Variants in CPED1 observed in about 807,000 individuals in gnomAD.
CPED1 encodes the protein cadherin like and PC-esterase domain containing 1.
A neutral mutation model predicts 128.2 loss-of-function variants in CPED1; 114 were observed. That is an observed-to-expected ratio of 0.89 (90% CI 0.76 to 1.04). The LOEUF (loss-of-function observed/expected upper bound fraction) is 1.04. CPED1 is among the 50% of genes least tolerant of loss of function. CPED1 has a pLI of 0.00. For synonymous variants in CPED1, 462 were observed against 426.7 expected, an observed-to-expected ratio of 1.08 and a Z score of -1.02; for missense variants, 1,211 against 1,207.1, an observed-to-expected ratio of 1.00 and a Z score of -0.05.
intron 2 of CPED1, among the ~76,000 whole-genome samples, chr7:120,995,786 C>T (rs1796386559): frequency 6.6e-6 from 1 of 152,094 alleles, no homozygotes; most frequent in African/African-American, 2.4e-5. Flanking sequence ...TGGCTCCTTA[C>T]CAAATCTGAG....
rs4730985 is a variant in CPED1 at position 121,024,994 on chromosome 7, C to G, written c.433+9146C>G. ...TTGACATTTTTCTCAATTTGGGAGG[C>G]GTTTGGGAGCTTCTAACTATAGTTC... On this transcript the variant is annotated intron_variant, in intron 3 of 22. Transcript: ENST00000310396. Among the ~76,000 whole-genome samples, 829 of 152,086 alleles carry G rather than the reference C, an allele frequency of 5.5e-3. 7 individuals are homozygous for G. Among genetic ancestry groups the G allele is most frequent in the African/African-American group, 0.019 (789 of 41,472 alleles).
chr7:121,091,536 G>A (rs796627880), intron 5 of CPED1, among the ~76,000 whole-genome samples: 9 of 152,186 alleles, frequency 5.9e-5, no homozygotes, highest in East Asian at 5.8e-4. Context: ...TGAAATTTCC[G>A]AAGTTAGAAA....
intron 5 of CPED1, among the ~76,000 whole-genome samples, chr7:121,085,973 T>C (rs776123122): frequency 5.2e-4 from 79 of 152,362 alleles, no homozygotes; most frequent in Non-Finnish European, 7.2e-4. Context: ...TAACTATTTA[T>C]ACCATTGTGA....
intron 2 of CPED1, among the ~76,000 whole-genome samples, chr7:121,013,268 G>T (rs1024175015): frequency 2.6e-5 from 4 of 152,180 alleles, no homozygotes; most frequent in African/African-American, 9.7e-5. Flanking sequence ...AACAATGGGG[G>T]AGAATCGTGT....
intron 16 of CPED1, among the ~76,000 whole-genome samples, chr7:121,167,955 G>A (rs1345794161): frequency 4.0e-5 from 6 of 151,834 alleles, no homozygotes; most frequent in African/African-American, 7.3e-5. Flanking sequence ...GGATGGTCTC[G>A]ATCTCCTGAC....
At chr7:121,272,203 A>G (rs986844644) in intron 22 of CPED1, among the ~76,000 whole-genome samples, 2 of 152,032 alleles carry the variant, frequency 1.3e-5, no homozygotes, top group African/African-American at 4.8e-5. Context: ...AAAAGCCCAA[A>G]TCAAGGGAGA....
rs549164258 is a variant in CPED1 at position 121,142,710 on chromosome 7, G to C, written c.2055+569G>C. ...TTGTTCATTTTGGAGAAGGATGAAT[G>C]TTACCCTAACACTTTTGTTCTACGG... On this transcript the variant is annotated intron_variant, in intron 16 of 22. Transcript: ENST00000310396. Among the ~76,000 whole-genome samples the C allele has an allele frequency of 1.1e-4, 16 of 152,106 alleles. No individual in the cohort carries two copies. In the East Asian group the frequency reaches 3.1e-3, roughly 29 times the overall value.
At chr7:121,200,512 G>A (rs1463579327) in intron 16 of CPED1, among the ~76,000 whole-genome samples, 3 of 152,092 alleles carry the variant, frequency 2.0e-5, no homozygotes, top group African/African-American at 7.2e-5. Flanking sequence ...TTGGAAAAAG[G>A]CAAAATGGAG....
intron 5 of CPED1, among the ~76,000 whole-genome samples, chr7:121,066,838 G>A (rs2192289): frequency 0.89 from 135,758 of 152,156 alleles, 60,790 homozygotes; most frequent in Middle Eastern, 0.98. Context: ...AGGAAAAATA[G>A]TCTCACAAAG....
intron 3 of CPED1, among the ~76,000 whole-genome samples, chr7:121,032,005 A>G (rs1017010247): frequency 1.3e-5 from 2 of 152,200 alleles, no homozygotes; most frequent in Non-Finnish European, 2.9e-5. Context: ...GATGGTGAGG[A>G]TTCTGAGAAA....
chr7:121,255,530 C>A (rs1469854484), intron 18 of CPED1, among the ~76,000 whole-genome samples: 2 of 152,028 alleles, frequency 1.3e-5, no homozygotes, highest in African/African-American at 4.8e-5. Context: ...ACTCTTACCA[C>A]TCCTATTCAA....
chr7:121,029,797 A>G (rs891893761), intron 3 of CPED1, among the ~76,000 whole-genome samples: 2 of 152,198 alleles, frequency 1.3e-5, no homozygotes, highest in African/African-American at 2.4e-5. Context: ...GTCTTGTCAC[A>G]TTGAGTATTT....
At chr7:121,223,404 T>C (rs1797931246) in intron 16 of CPED1, among the ~76,000 whole-genome samples, 1 of 152,192 alleles carries the variant, frequency 6.6e-6, no homozygotes, top group Non-Finnish European at 1.5e-5. Context: ...TCATGGATAT[T>C]GGTCTACAAT....
chr7:121,156,310 CA>C (rs1340864249), intron 16 of CPED1, among the ~76,000 whole-genome samples: 1 of 128,996 alleles, frequency 7.8e-6, no homozygotes, highest in African/African-American at 2.6e-5. Context: ...ATAGAACTAC[CA>C]GATGATCCAT....
chr7:120,990,841 A>T (rs903113045), intron 2 of CPED1, among the ~76,000 whole-genome samples: 1 of 152,210 alleles, frequency 6.6e-6, no homozygotes, highest in African/African-American at 2.4e-5. Flanking sequence ...TGCTACCATT[A>T]TTACCAAAAC....
In CPED1 at chr7:121,014,563, AATAAT is replaced by A. The variant is rs1792252350; in HGVS notation, c.250-1100_250-1096del. 3.7e-4 allele frequency among the ~76,000 whole-genome samples: 41 copies of A among 111,908 alleles called. 2 individuals carry two copies. Among genetic ancestry groups the A allele is most frequent in the Admixed American group, 3.6e-3 (41 of 11,376 alleles). The allele number at this position is 111,908 out of a possible 152,430, so 73.4% of individuals were successfully genotyped here. On this transcript the variant is annotated intron_variant, in intron 2 of 22. Coordinates refer to ENST00000310396, the MANE Select transcript of CPED1 (RefSeq NM_024913.5). Reference sequence around the variant, plus strand: ...AGACTTTGTCTCAAAAAAAAAAAATAATAATAATAATAATAAAATAAAATAAATGA... The same window carrying A: ...AGACTTTGTCTCAAAAAAAAAAAATAAATAATAATAAAATAAAATAAATGA...
chr7:121,104,629 A>G (rs902318168), intron 7 of CPED1, among the ~76,000 whole-genome samples: 1 of 152,152 alleles, frequency 6.6e-6, no homozygotes, highest in African/African-American at 2.4e-5. Context: ...ACATAAATTA[A>G]TTCATTGTTT....
intron 18 of CPED1, among the ~76,000 whole-genome samples, chr7:121,256,127 A>AC (rs1412763674): frequency 3.7e-5 from 2 of 53,536 alleles, no homozygotes; most frequent in East Asian, 2.2e-3. Context: ...AAAAAAACAA[A>AC]ACAAAAAAAA....
Position 121,127,070 on chromosome 7 carries a change from G to C in CPED1, c.1135-20G>C, listed in dbSNP as rs1319897558. On this transcript the variant is annotated intron_variant, in intron 9 of 22. Transcript: ENST00000310396. ...AGTAAATCGATGAAAAATATTTGCT[G>C]TGCTTTTGTTCTTTCAAAGGTACAC... The C allele has an allele frequency of 1.3e-6, 2 of 1,521,746 alleles. No individual in the cohort carries two copies. Among genetic ancestry groups the C allele is most frequent in the South Asian group, 2.5e-5 (2 of 80,586 alleles). 94.3% of individuals were successfully genotyped at this position (1,521,746 alleles called of 1,614,324 possible).
Sources: allele counts gnomAD v4.1 joint callset (sites outside exome capture counted in the v4.1 genomes callset), GRCh38; gene constraint gnomAD v4.1.1; transcripts MANE v1.5; gene names NCBI Gene and HGNC (gene_info 2026-07-23, HGNC 2026-07-21).